Variants in PRSS23 observed in about 807,000 individuals in gnomAD.
The protein encoded by PRSS23 is protease, serine 23.
In PRSS23, 25 loss-of-function variants were observed where a neutral mutation model predicts 34.7. The observed-to-expected ratio is 0.72, with a 90% CI of 0.53 to 1.01. The LOEUF (loss-of-function observed/expected upper bound fraction) is 1.01, where lower values mean the gene tolerates loss of function less well. PRSS23 is among the 50% of genes least tolerant of loss of function. The probability of loss-of-function intolerance (pLI) is 0.00; values close to 1 mark genes in which losing one functional copy is unlikely to be tolerated. For synonymous variants in PRSS23, 176 were observed against 186.6 expected, an observed-to-expected ratio of 0.94 and a Z score of 0.46; for missense variants, 445 against 475.6, an observed-to-expected ratio of 0.94 and a Z score of 0.60.
rs183504960 is a variant in PRSS23, at chr11:86,821,724, G to C, written c.-11-1653G>C. 1,358 of 1,406,008 alleles carry C rather than the reference G, an allele frequency of 9.7e-4. 16 individuals carry two copies. In the Admixed American group the frequency reaches 0.014, roughly 15 times the overall value. 87.1% of individuals were successfully genotyped at this position (1,406,008 alleles called of 1,614,324 possible). ...TATACTGTTGAACAGCTAGTGTACT[G>C]TCTATTTCTTCAAAGTGTTCGTCAG... On this transcript the variant is annotated intron_variant, in intron 1 of 2. Transcript: ENST00000533902.
chr11:86,804,906 A>G (rs71465662), intron 1 of PRSS23, among the ~76,000 whole-genome samples: 1 of 152,318 alleles, frequency 6.6e-6, no homozygotes, highest in Admixed American at 6.5e-5. Flanking sequence ...TACATACTAT[A>G]ATACTACCTC....
At chr11:86,928,491 C>A (rs1188523951) in intron 2 of PRSS23, among the ~76,000 whole-genome samples, 3 of 147,154 alleles carry the variant, frequency 2.0e-5, no homozygotes, top group African/African-American at 7.4e-5. Flanking sequence ...CTGGCTAACA[C>A]AGTAAAACCC....
Position 86,911,445 on chromosome 11 carries a change from C to T in PRSS23, c.207-39771C>T, listed in dbSNP as rs1010586221. 13 of 152,268 alleles carry T rather than the reference C, an allele frequency of 8.5e-5. 1 individual carries two copies. In the East Asian group the frequency reaches 2.5e-3, roughly 29 times the overall value. 9.4% of individuals were successfully genotyped at this position (152,268 alleles called of 1,614,324 possible). On this transcript the variant is annotated intron_variant, in intron 2 of 2. Coordinates refer to the PRSS23 transcript ENST00000533902. The stretch of plus-strand genomic sequence containing the variant: ...GAACATAGTACCCCAAAACTTCCAA[C>T]AGGTAGTTTTTCAACCCTGGCCTCC...
intron 2 of PRSS23, chr11:86,910,015 A>AACTGC (rs1242017167): frequency 6.6e-6 from 1 of 152,264 alleles, no homozygotes; most frequent in African/African-American, 2.4e-5. Flanking sequence ...TTCAAAAGAG[A>AACTGC]ACTGCACATT....
chr11:86,879,384 C>T (rs1211204086), intron 2 of PRSS23, among the ~76,000 whole-genome samples: 48 of 151,700 alleles, frequency 3.2e-4, no homozygotes, highest in African/African-American at 1.0e-3. Context: ...CCCCTCCGCC[C>T]GGCAGCCACC....
chr11:86,814,637 C>T (rs189580634), downstream of PRSS23, among the ~76,000 whole-genome samples: 1 of 152,298 alleles, frequency 6.6e-6, no homozygotes, highest in East Asian at 1.9e-4. Context: ...TCATGACAAG[C>T]AGAACCTTGC....
intron 2 of PRSS23, among the ~76,000 whole-genome samples, chr11:86,878,097 T>C (rs1948737208): frequency 1.3e-5 from 2 of 152,216 alleles, no homozygotes; most frequent in South Asian, 4.1e-4. Flanking sequence ...ATTGGAATTG[T>C]ACTATATTTG....
chr11:86,884,686 T>C (rs1467389430), intron 2 of PRSS23, among the ~76,000 whole-genome samples: 1 of 152,228 alleles, frequency 6.6e-6, no homozygotes, highest in East Asian at 1.9e-4. Context: ...GCATAACACA[T>C]AAGCCTTCAA....
In PRSS23 at chr11:86,951,305, G is replaced by T. The variant is rs1273285740; in HGVS notation, c.*20G>T. On this transcript the variant is annotated 3_prime_UTR_variant, in exon 3 of 3. Coordinates refer to the PRSS23 transcript ENST00000533902. ...GCCTGAAGTGATGCCCACCAACAAA[G>T]ACATAAAAATTTTCAACATTTCAAC... The T allele has an allele frequency of 1.2e-6, 2 of 1,614,082 alleles. No individual in the cohort carries two copies. The highest frequency in any genetic ancestry group is 3.3e-5 in the Admixed American group (2 of 60,010).
At chr11:86,949,235 G>A (rs1015676354) in intron 2 of PRSS23, 7 of 152,070 alleles carry the variant, frequency 4.6e-5, no homozygotes, top group Non-Finnish European at 4.4e-5. Flanking sequence ...CTTGATGTCA[G>A]AGAGCTCAAG....
chr11:86,939,727 T>C (rs897894055), intron 2 of PRSS23, among the ~76,000 whole-genome samples: 28 of 147,692 alleles, frequency 1.9e-4, no homozygotes, highest in Admixed American at 1.8e-3. Flanking sequence ...TAAATGCTGA[T>C]GTAAATCCAA....
intron 2 of PRSS23, among the ~76,000 whole-genome samples, chr11:86,878,290 C>A (rs1948739937): frequency 8.6e-6 from 1 of 115,672 alleles, no homozygotes. Context: ...CCCTCTCTTT[C>A]CACGGTCTCC....
At chr11:86,823,435 C>G in exon 2 of PRSS23, 1 of 702,284 alleles carries the variant, frequency 1.4e-6, no homozygotes, top group East Asian at 2.7e-5. Flanking sequence ...GTCCTCATGC[C>G]CCCACAACTG....
At chr11:86,797,817 T>A (rs981892953), upstream of PRSS23, among the ~76,000 whole-genome samples, 15 of 152,232 alleles carry the variant, frequency 9.9e-5, no homozygotes, top group Non-Finnish European at 1.5e-4. Flanking sequence ...ATTCATTCAA[T>A]TCTTAAAAGA....
intron 2 of PRSS23, among the ~76,000 whole-genome samples, chr11:86,870,168 G>A (rs1033371267): frequency 2.6e-5 from 4 of 152,026 alleles, no homozygotes; most frequent in East Asian, 1.9e-4. Context: ...GGCAGGCTTG[G>A]ATGGAACTAG....
At chr11:86,899,673 C>T (rs1948898482) in intron 2 of PRSS23, among the ~76,000 whole-genome samples, 2 of 152,038 alleles carry the variant, frequency 1.3e-5, no homozygotes, top group African/African-American at 4.8e-5. Context: ...CGCCACCATG[C>T]CTGGCTAATT....
At chr11:86,905,204 T>C (rs900617449) in intron 2 of PRSS23, among the ~76,000 whole-genome samples, 2 of 152,218 alleles carry the variant, frequency 1.3e-5, no homozygotes, top group African/African-American at 4.8e-5. Flanking sequence ...AAGGCAGAGA[T>C]AGGCCTTCCT....
In PRSS23 at chr11:86,808,658, AT is replaced by A. The variant is rs1565351247; in HGVS notation, c.1021del (p.Ser341GlnfsTer8). 6.2e-7 allele frequency: 1 copy of A among 1,614,018 alleles called. No individual in the cohort carries two copies. The highest frequency in any genetic ancestry group is 2.2e-5 in the East Asian group (1 of 44,872). Reference protein sequence around the residue: ...QQKWERKIIGIFSGHQWVDMN... With the variant: ...QQKWERKIIGXFSGHQWVDMN... The stretch of plus-strand genomic sequence containing the variant: ...GAAGTGGGAGCGAAAAATTATTGGC[AT>A]TTTTTCAGGGCACCAGTGGGTGGAC... On this transcript the variant is annotated frameshift_variant, in exon 2 of 2. Coordinates refer to ENST00000280258, the MANE Select transcript of PRSS23 (RefSeq NM_007173.6). LOFTEE classifies it high-confidence loss of function.
At chr11:86,873,141 T>C (rs967309786) in intron 2 of PRSS23, among the ~76,000 whole-genome samples, 1 of 151,430 alleles carries the variant, frequency 6.6e-6, no homozygotes, top group African/African-American at 2.4e-5. Context: ...ATAGTTCTTC[T>C]TTCAATTGCA....
Sources: gnomAD v4.1 joint callset for allele counts (sites outside exome capture counted in the v4.1 genomes callset) on GRCh38, gnomAD v4.1.1 for gene constraint, MANE v1.5 for transcripts, NCBI Gene and HGNC (gene_info 2026-07-23, HGNC 2026-07-21) for gene names.